The following QSER1 variants were observed in gnomAD, a reference collection of about 807,000 sequenced individuals.
QSER1 encodes the protein glutamine and serine-rich protein 1.
In QSER1, 49 loss-of-function variants were observed where a neutral mutation model predicts 158.5. The observed-to-expected ratio is 0.31, with a 90% CI of 0.25 to 0.39. The LOEUF is 0.39. Ranked by LOEUF, QSER1 falls within the 10% of genes least tolerant of loss-of-function variation. The probability of loss-of-function intolerance (pLI) is 1.00; values close to 1 mark genes in which losing one functional copy is unlikely to be tolerated. For missense variants in QSER1, 1,754 were observed against 2,010.3 expected (o/e 0.87, Z 2.44); for synonymous variants, 650 against 715.5 (o/e 0.91, Z 1.46).
intron 1 of QSER1, among the ~76,000 whole-genome samples, chr11:32,923,576 G>A (rs541045471): frequency 1.3e-5 from 2 of 152,292 alleles, no homozygotes; most frequent in South Asian, 4.1e-4. Context: ...TACTCAGGAG[G>A]CTGAGGCAGG....
At chr11:32,894,259 TAGTGCCACACTGTG>T (rs1472799198) in intron 1 of QSER1, among the ~76,000 whole-genome samples, 7 of 152,188 alleles carry the variant, frequency 4.6e-5, no homozygotes, top group Admixed American at 4.6e-4. Flanking sequence ...AAATGTGTAG[TAGTGCCACACTGTG>T]AAACGGTCCC....
intron 1 of QSER1, among the ~76,000 whole-genome samples, chr11:32,901,378 C>G (rs145703280): frequency 1.3e-5 from 2 of 152,180 alleles, no homozygotes; most frequent in East Asian, 3.9e-4. Context: ...TCCAGAGGTA[C>G]AAAAATAATT....
chr11:32,974,837 A>G (rs1852943571), intron 11 of QSER1, among the ~76,000 whole-genome samples: 1 of 152,226 alleles, frequency 6.6e-6, no homozygotes, highest in South Asian at 2.1e-4. Context: ...CAATATGTAT[A>G]GTGTGATTCC....
intron 4 of QSER1, among the ~76,000 whole-genome samples, chr11:32,944,885 G>A (rs1284897603): frequency 7.2e-6 from 1 of 138,186 alleles, no homozygotes; most frequent in African/African-American, 2.7e-5. Context: ...CTCTTTGTAG[G>A]TCACTCAGGA....
Position 32,892,883 on chromosome 11 carries a change from G to T in QSER1, c.-243G>T, listed in dbSNP as rs928625948. Among the ~76,000 whole-genome samples the T allele has an allele frequency of 4.5e-5, 6 of 132,006 alleles. No individual in the cohort carries two copies. Among genetic ancestry groups the T allele is most frequent in the African/African-American group, 1.7e-4 (6 of 35,370 alleles). The allele number at this position is 132,006 out of a possible 152,430, so 86.6% of individuals were successfully genotyped here. ...CGCCGTCGCCGCGAGTCCCGGCCGC[G>T]GGTGCCTCCGCTTCCCTGACGCCCA... On this transcript the variant is annotated 5_prime_UTR_variant, in exon 1 of 13. Coordinates refer to ENST00000650167, the MANE Select transcript of QSER1 (RefSeq NM_001076786.3).
intron 1 of QSER1, among the ~76,000 whole-genome samples, chr11:32,915,516 G>A (rs1048942946): frequency 2.6e-5 from 4 of 152,072 alleles, no homozygotes; most frequent in African/African-American, 9.7e-5. Flanking sequence ...GGCTATGCTG[G>A]GCCACAGTAG....
At chr11:32,910,103 GGTC>G (rs1851747508) in intron 1 of QSER1, among the ~76,000 whole-genome samples, 1 of 152,080 alleles carries the variant, frequency 6.6e-6, no homozygotes, top group African/African-American at 2.4e-5. Context: ...ACAATATGCT[GGTC>G]TTCTTTCAGC....
At chr11:32,917,878 T>C (rs928119353) in intron 1 of QSER1, among the ~76,000 whole-genome samples, 13 of 151,424 alleles carry the variant, frequency 8.6e-5, no homozygotes, top group Admixed American at 7.2e-4. Flanking sequence ...CTGTGACTTA[T>C]GATGTGGAGC....
At chr11:32,924,579 AG>A (rs775202598) in intron 1 of QSER1, among the ~76,000 whole-genome samples, 2,928 of 150,090 alleles carry the variant, frequency 0.02, 40 homozygotes, top group African/African-American at 0.045. Flanking sequence ...AAAAAAAAAA[AG>A]GAATAAATAA....
chr11:32,964,763 C>CAT (rs1564946547), intron 8 of QSER1, among the ~76,000 whole-genome samples: 4 of 144,564 alleles, frequency 2.8e-5, no homozygotes, highest in South Asian at 2.2e-4. Flanking sequence ...CACACACACA[C>CAT]ACACACACAC....
intron 2 of QSER1, 44 bp from the exon 3 acceptor site, chr11:32,927,917 AT>A (rs60934028): frequency 1.7e-3 from 675 of 392,664 alleles, no homozygotes; most frequent in South Asian, 5.6e-3. Context: ...ATACAAGTAA[AT>A]TTTTTTTTTT....
At chr11:32,913,725 A>G (rs753209144) in intron 1 of QSER1, among the ~76,000 whole-genome samples, 1 of 152,120 alleles carries the variant, frequency 6.6e-6, no homozygotes, top group Non-Finnish European at 1.5e-5. Flanking sequence ...TGCTGACCGT[A>G]TGTGCTTTAT....
intron 10 of QSER1, among the ~76,000 whole-genome samples, chr11:32,972,106 T>G (rs1355460131): frequency 1.3e-5 from 2 of 148,568 alleles, no homozygotes; most frequent in Admixed American, 6.7e-5. Context: ...AGGGCCCCAA[T>G]ACCAGGTGCT....
At chr11:32,945,182 CTT>C (rs1293396732) in intron 4 of QSER1, among the ~76,000 whole-genome samples, 142 of 142,510 alleles carry the variant, frequency 1.0e-3, no homozygotes, top group African/African-American at 3.5e-3. Context: ...GGTCTTGACT[CTT>C]TATCCAATTT....
At chr11:32,936,185 C>T in intron 4 of QSER1, among the ~76,000 whole-genome samples, 1 of 133,862 alleles carries the variant, frequency 7.5e-6, no homozygotes, top group Non-Finnish European at 1.6e-5. Flanking sequence ...CTGTCCCTCC[C>T]CCCTCCCTCC....
At chr11:32,894,212 A>AAAAT (rs1377236364) in intron 1 of QSER1, among the ~76,000 whole-genome samples, 2 of 152,168 alleles carry the variant, frequency 1.3e-5, no homozygotes, top group African/African-American at 4.8e-5. Context: ...AAGGGAATCT[A>AAAAT]AAATTTTGAC....
At chr11:32,923,950 G>C (rs1021413995) in intron 1 of QSER1, among the ~76,000 whole-genome samples, 15 of 152,130 alleles carry the variant, frequency 9.9e-5, no homozygotes, top group Non-Finnish European at 1.8e-4. Flanking sequence ...CCTGGCGACA[G>C]AGCAAGACTC....
At chr11:32,968,223 T>C (rs1304764457) in intron 9 of QSER1, among the ~76,000 whole-genome samples, 2 of 152,214 alleles carry the variant, frequency 1.3e-5, no homozygotes, top group African/African-American at 2.4e-5. Context: ...AGAAAGACTA[T>C]GTAAACAATC....
intron 4 of QSER1, among the ~76,000 whole-genome samples, chr11:32,939,005 C>CTATTT (rs1193033298): frequency 6.6e-6 from 1 of 152,098 alleles, no homozygotes; most frequent in Non-Finnish European, 1.5e-5. Context: ...GGGTTAGGTG[C>CTATTT]TATTTTCACC....
Sources: gnomAD v4.1 joint callset for allele counts (sites outside exome capture counted in the v4.1 genomes callset) on GRCh38, gnomAD v4.1.1 for gene constraint, MANE v1.5 for transcripts, NCBI Gene and HGNC (gene_info 2026-07-23, HGNC 2026-07-21) for gene names.